Variants in ACAD9 observed in about 807,000 individuals in gnomAD.
The protein encoded by ACAD9 is acyl-CoA dehydrogenase family member 9.
Under a neutral mutation model 70.2 loss-of-function variants are expected in ACAD9, and 53 were observed. That is an observed-to-expected ratio of 0.75 (90% CI 0.61 to 0.95). ACAD9 has a LOEUF of 0.95. ACAD9 is among the 40% of genes least tolerant of loss of function. The pLI is 0.00. For synonymous variants in ACAD9, 313 were observed against 312.1 expected (o/e 1.00, Z -0.03); for missense variants, 777 against 802.8 (o/e 0.97, Z 0.39).
intron 8 of ACAD9, 88 bp downstream of exon 8, chr3:128,901,437 C>A: frequency 2.1e-6 from 3 of 1,420,778 alleles, no homozygotes; most frequent in Non-Finnish European, 3.0e-6. Context: ...CTGCTCGTAG[C>A]AGAGTAGCCT....
At chr3:128,897,541 AC>A in intron 5 of ACAD9, 90 bp from the exon 6 acceptor site, 1 of 1,209,864 alleles carries the variant, frequency 8.3e-7, no homozygotes. Flanking sequence ...CTGACCTCTT[AC>A]AAGTACTAAA....
chr3:128,884,576 C>T lies in ACAD9; in HGVS notation c.151-77C>T, dbSNP rs1935189829. On this transcript the variant is annotated intron_variant, in intron 1 of 17. Transcript: ENST00000308982. ...GGGTGGAGTGGAGCACATGTTTTTC[C>T]TTCCCTTTTAACTGATATTTCCGTG... is the stretch of plus-strand genomic sequence containing the variant. The T allele has an allele frequency of 2.2e-5, 24 of 1,101,560 alleles. No individual in the cohort carries two copies. The South Asian group carries it at 3.0e-4, about 14-fold the overall frequency. The allele number at this position is 1,101,560 out of a possible 1,614,324, so 68.2% of individuals were successfully genotyped here. A position where few individuals can be genotyped will look rare whatever the true frequency, so the allele number is the denominator to read the frequency against.
At chr3:128,909,780 C>T in intron 15 of ACAD9, 1 of 629,740 alleles carries the variant, frequency 1.6e-6, no homozygotes, top group Non-Finnish European at 2.8e-6. Context: ...CTTCTGGTCT[C>T]AGCCAAGCTT....
intron 5 of ACAD9, 148 bp from the exon 6 acceptor site, chr3:128,897,484 G>A: frequency 1.4e-6 from 1 of 726,734 alleles, no homozygotes; most frequent in South Asian, 1.5e-5. Flanking sequence ...ACATCCTGCA[G>A]CTTGGAAAGC....
At position 128,908,477 on chromosome 3, in the gene ACAD9, A is replaced by G. The variant is rs1935976692; in HGVS notation, c.1358+213A>G. On this transcript the variant is annotated intron_variant, in intron 13 of 17. Coordinates refer to ENST00000308982, the MANE Select transcript of ACAD9 (RefSeq NM_014049.5). Reference sequence around the variant, plus strand: ...TGCCCTTATGGCCACAGCACCCTACAGCTTCAGCATAAATACCGTATCCCC... The same window carrying G: ...TGCCCTTATGGCCACAGCACCCTACGGCTTCAGCATAAATACCGTATCCCC... 4 of 627,296 alleles carry G rather than the reference A, an allele frequency of 6.4e-6. No individual in the cohort carries two copies. The Admixed American group carries it at 1.0e-4, about 16-fold the overall frequency. 38.9% of individuals were successfully genotyped at this position (627,296 alleles called of 1,614,324 possible).
At position 128,893,655 on chromosome 3, in the gene ACAD9, T is replaced by A; in HGVS notation, c.345T>A (p.Tyr115Ter). The change falls in exon 3 of 18, where the codon TAT becomes TAA. Residue 115 changes from tyrosine (Y) to a stop codon, truncating the protein, a stop_gained and splice_region_variant. Coordinates refer to ENST00000308982, the MANE Select transcript of ACAD9 (RefSeq NM_014049.5). LOFTEE classifies it high-confidence loss of function. ...GLFGLQVPEE[Y>*]GGLGFSNTMY... is the part of the protein sequence containing the mutation. ...TTGGGCTGCAAGTCCCAGAAGAATA[T>A]GGTAAGTCAAGCAAACAAGCACCCA... 6.2e-7 allele frequency: 1 copy of A among 1,613,412 alleles called. No homozygotes were observed. The highest frequency in any genetic ancestry group is 1.1e-5 in the South Asian group (1 of 91,062).
chr3:128,903,017 C>T (rs779759690), intron 9 of ACAD9, among the ~76,000 whole-genome samples: 3 of 152,098 alleles, frequency 2.0e-5, no homozygotes, highest in South Asian at 2.1e-4. Flanking sequence ...TCCCAAGGTC[C>T]GTGCCTCCTG....
rs368630371 is a variant in ACAD9, at chr3:128,879,782, C to T, written c.91C>T (p.Arg31Cys). 1.3e-4 allele frequency: 212 copies of T among 1,613,646 alleles called. No individual in the cohort carries two copies. The highest frequency in any genetic ancestry group is 1.7e-4 in the Non-Finnish European group (204 of 1,180,026). ...VVSTANRRLL[R>C]TSPPVRAFAK... ...CTCTACCGCGAACCGGCGGCTACTG[C>T]GCACCAGCCCGCCTGTACGAGCTTT... Residue 31 changes from arginine (R) to cysteine (C), a missense_variant, in exon 1 of 18, where the codon CGC (arginine) becomes TGC (cysteine). Physicochemically the swap from Arg to Cys is radical, Grantham distance 180. Transcript: ENST00000308982.
chr3:128,885,343 A>G (rs1304344866), intron 2 of ACAD9, among the ~76,000 whole-genome samples: 2 of 152,164 alleles, frequency 1.3e-5, no homozygotes, highest in African/African-American at 2.4e-5. Context: ...TTTTGTTTAT[A>G]TGAATTTTAT....
chr3:128,882,430 T>C (rs1935122317), intron 1 of ACAD9, among the ~76,000 whole-genome samples: 1 of 152,234 alleles, frequency 6.6e-6, no homozygotes, highest in Admixed American at 6.5e-5. Context: ...TTCTCTACTT[T>C]TAGGTTCTTA....
chr3:128,881,206 C>T (rs1442213863), intron 1 of ACAD9, among the ~76,000 whole-genome samples: 1 of 152,252 alleles, frequency 6.6e-6, no homozygotes, highest in Non-Finnish European at 1.5e-5. Flanking sequence ...TTACCCAGGA[C>T]CTGGGGCAGT....
chr3:128,883,886 T>A (rs540867462), intron 1 of ACAD9, among the ~76,000 whole-genome samples: 1 of 152,182 alleles, frequency 6.6e-6, no homozygotes, highest in Non-Finnish European at 1.5e-5. Context: ...AAGACTTCTC[T>A]AGAACACTTG....
intron 2 of ACAD9, among the ~76,000 whole-genome samples, chr3:128,891,002 C>A (rs548320045): frequency 6.6e-6 from 1 of 151,750 alleles, no homozygotes; most frequent in African/African-American, 2.4e-5. Flanking sequence ...TCACTATGCC[C>A]GGCTAATTTT....
chr3:128,889,545 T>G (rs1469636457), intron 2 of ACAD9, among the ~76,000 whole-genome samples: 1 of 151,778 alleles, frequency 6.6e-6, no homozygotes, highest in African/African-American at 2.4e-5. Flanking sequence ...ATTTCCCCCC[T>G]GTTTCCAGGC....
intron 16 of ACAD9, 113 bp downstream of exon 16, chr3:128,910,262 G>A (rs1936119793): frequency 1.3e-6 from 2 of 1,553,428 alleles, no homozygotes; most frequent in Non-Finnish European, 1.7e-6. Flanking sequence ...GGCTGTGCAG[G>A]TTCACCATGC....
intron 7 of ACAD9, among the ~76,000 whole-genome samples, chr3:128,900,273 T>G (rs1201160353): frequency 6.6e-6 from 1 of 152,182 alleles, no homozygotes; most frequent in African/African-American, 2.4e-5. Context: ...AGTCTCGCTC[T>G]GTCGCCCAGG....
intron 17 of ACAD9, among the ~76,000 whole-genome samples, chr3:128,912,303 G>A (rs113764236): frequency 1.3e-5 from 2 of 152,174 alleles, no homozygotes; most frequent in African/African-American, 2.4e-5. Flanking sequence ...AGCAGGATGA[G>A]TCCTTTGTAA....
intron 9 of ACAD9, among the ~76,000 whole-genome samples, chr3:128,903,695 G>C (rs1935808538): frequency 6.6e-6 from 1 of 152,218 alleles, no homozygotes; most frequent in South Asian, 2.1e-4. Flanking sequence ...TGGGGCCTCT[G>C]TGCCTGGCTT....
intron 14 of ACAD9, 63 bp downstream of exon 14, chr3:128,909,162 A>G: frequency 1.2e-6 from 2 of 1,609,668 alleles, no homozygotes; most frequent in Non-Finnish European, 1.7e-6. Context: ...TCCTTGTGGC[A>G]GAAAAGATCT....
Sources: allele counts gnomAD v4.1 joint callset (sites outside exome capture counted in the v4.1 genomes callset), GRCh38; gene constraint gnomAD v4.1.1; transcripts MANE v1.5; gene names NCBI Gene and HGNC (gene_info 2026-07-23, HGNC 2026-07-21).